Variants in MYO7B observed in about 807,000 individuals in gnomAD.
MYO7B encodes unconventional myosin-VIIb.
In MYO7B, 212 loss-of-function variants were observed where a neutral mutation model predicts 259.7. The ratio of observed to expected loss-of-function variants is 0.82; its 90% CI spans 0.73 to 0.91. The LOEUF is 0.91. Among genes scored for constraint, MYO7B ranks in the 40% least tolerant of loss-of-function variants. The probability of loss-of-function intolerance (pLI) is 0.00; values close to 1 mark genes in which losing one functional copy is unlikely to be tolerated. For missense variants in MYO7B, 2,732 were observed against 2,813.5 expected (o/e 0.97, Z 0.66); for synonymous variants, 1,197 against 1,166.4 (o/e 1.03, Z -0.54).
chr2:127,560,874 GGCCCCTGGT>G (rs1301472470), intron 2 of MYO7B, among the ~76,000 whole-genome samples: 1 of 152,198 alleles, frequency 6.6e-6, no homozygotes, highest in African/African-American at 2.4e-5. Flanking sequence ...ACTACGCAGC[GGCCCCTGGT>G]GCTGCCACTA....
At chr2:127,608,920 C>T (rs765894997) in intron 22 of MYO7B, 42 bp downstream of exon 22, 2 of 1,582,642 alleles carry the variant, frequency 1.3e-6, no homozygotes, top group South Asian at 2.3e-5. Context: ...CGGGTGGGGA[C>T]AGGGAAGCCT....
chr2:127,619,038 G>GGTGGGCGCTGGTTGGATT lies in MYO7B; in HGVS notation c.3399-1296_3399-1279dup, dbSNP rs1303121347. ...GTTGGGTTGTGGGGGCTGGCTGAAT[G>GGTGGGCGCTGGTTGGATT]GTGGGCGCTGGTTGGATTGTGGGGG... On this transcript the variant is annotated intron_variant, in intron 26 of 47. Coordinates refer to ENST00000409816, the MANE Select transcript of MYO7B (RefSeq NM_001393586.1). 2.5e-3 allele frequency among the ~76,000 whole-genome samples: 338 copies of GGTGGGCGCTGGTTGGATT among 137,856 alleles called. 6 individuals carry two copies. The highest frequency in any genetic ancestry group is 8.2e-3 in the African/African-American group (306 of 37,372). The allele number at this position is 137,856 out of a possible 152,430, so 90.4% of individuals were successfully genotyped here.
chr2:127,601,979 T>G (rs1679977581), intron 19 of MYO7B, among the ~76,000 whole-genome samples: 1 of 152,254 alleles, frequency 6.6e-6, no homozygotes, highest in East Asian at 1.9e-4. Flanking sequence ...TATTTAGGCC[T>G]TTTACATTTA....
At position 127,585,048 on chromosome 2, in the gene MYO7B, A is replaced by G. The variant is rs1156550654; in HGVS notation, c.1690+135A>G. On this transcript the variant is annotated intron_variant, in intron 14 of 47. Coordinates refer to ENST00000409816, the MANE Select transcript of MYO7B (RefSeq NM_001393586.1). This position sits in a 1 kb window ranked among gnomAD's most constrained non-coding sequence, Gnocchi z 4.3. ...CAGAGGGATGAGTAGTATGGCTTCT[A>G]CTGGAGAAAGAAAATGGAGTGGACC... 8 of 1,178,792 alleles carry G rather than the reference A, an allele frequency of 6.8e-6. No individual in the cohort carries two copies. In the East Asian group the frequency reaches 1.4e-4, roughly 21 times the overall value. 73.0% of individuals were successfully genotyped at this position (1,178,792 alleles called of 1,614,324 possible).
rs1681280243 is a variant in MYO7B, at chr2:127,628,545, T to G, written c.4624+10T>G. 2.3e-5 allele frequency: 7 copies of G among 299,500 alleles called. No homozygotes were observed. Among genetic ancestry groups the G allele is most frequent in the Admixed American group, 8.6e-5 (1 of 11,644 alleles). The allele number at this position is 299,500 out of a possible 1,614,324, so 18.6% of individuals were successfully genotyped here. ...GACAGGAAGGCCACAGGTGCCAGAC[T>G]GGGTGGGGTGGGGTGGGGTGGGGTG... On this transcript the variant is annotated intron_variant, in intron 34 of 47. Transcript: ENST00000409816. This position sits in a 1 kb window ranked among gnomAD's most constrained non-coding sequence, Gnocchi z 4.8.
In MYO7B at chr2:127,586,411, A is replaced by T. The variant is rs533221989; in HGVS notation, c.1690+1498A>T. Among the ~76,000 whole-genome samples the T allele has an allele frequency of 6.6e-6, 1 of 152,176 alleles. No homozygotes were observed. The highest frequency in any genetic ancestry group is 1.5e-5 in the Non-Finnish European group (1 of 68,034). Reference sequence around the variant, plus strand: ...GAGGAATGAGGAGGTGTTCTGGTCTATTTAACTGGAGACAGGAATCCAGGG... The same window carrying T: ...GAGGAATGAGGAGGTGTTCTGGTCTTTTTAACTGGAGACAGGAATCCAGGG... On this transcript the variant is annotated intron_variant, in intron 14 of 47. Transcript: ENST00000409816. This position sits in a 1 kb window ranked among gnomAD's most constrained non-coding sequence, Gnocchi z 4.8.
At chr2:127,560,936 G>T (rs1413030280) in intron 2 of MYO7B, among the ~76,000 whole-genome samples, 2 of 152,134 alleles carry the variant, frequency 1.3e-5, no homozygotes, top group Admixed American at 6.6e-5. Context: ...GCCAAGATTG[G>T]CTTCTTGTTT....
intron 1 of MYO7B, among the ~76,000 whole-genome samples, chr2:127,554,128 G>A (rs974321891): frequency 7.9e-5 from 12 of 152,098 alleles, no homozygotes; most frequent in African/African-American, 2.7e-4. Context: ...AGGCTGGAGT[G>A]CAATGGTGCA....
Position 127,630,061 on chromosome 2 carries a change from G to C in MYO7B, c.4806+235G>C, listed in dbSNP as rs191747826. The stretch of plus-strand genomic sequence containing the variant: ...GGGTGTTCCCTCCCTCTTCCATCAT[G>C]GGGGTGTCCGGGGGACAAACCCAAT... On this transcript the variant is annotated intron_variant, in intron 35 of 47. Coordinates refer to ENST00000409816, the MANE Select transcript of MYO7B (RefSeq NM_001393586.1). Among the ~76,000 whole-genome samples the C allele has an allele frequency of 2.6e-5, 4 of 152,298 alleles. No individual in the cohort carries two copies. The East Asian group carries it at 7.7e-4, about 29-fold the overall frequency.
intron 16 of MYO7B, among the ~76,000 whole-genome samples, chr2:127,591,165 G>A (rs144928919): frequency 1.0e-3 from 154 of 152,280 alleles, no homozygotes; most frequent in African/African-American, 3.6e-3. Flanking sequence ...CTTCAGCCTG[G>A]GTGACAGAGC....
At position 127,637,532 on chromosome 2, in the gene MYO7B, C is replaced by A; in HGVS notation, c.*115C>A. The A allele has an allele frequency of 1.3e-6, 1 of 794,542 alleles. No individual in the cohort carries two copies. The highest frequency in any genetic ancestry group is 1.9e-6 in the Non-Finnish European group (1 of 520,680). 49.2% of individuals were successfully genotyped at this position (794,542 alleles called of 1,614,324 possible). On this transcript the variant is annotated 3_prime_UTR_variant, in exon 48 of 48. Coordinates refer to ENST00000409816, the MANE Select transcript of MYO7B (RefSeq NM_001393586.1). ...TTGGCGGGCAGCCTTCCATGCTGCC[C>A]CCCATACAAAGCCCACTCAGCCCCG...
intron 7 of MYO7B, among the ~76,000 whole-genome samples, chr2:127,575,315 A>G (rs998895497): frequency 1.3e-5 from 2 of 152,072 alleles, no homozygotes; most frequent in Non-Finnish European, 2.9e-5. Flanking sequence ...CCCTGTCTGG[A>G]AGCTCCTATT....
At chr2:127,595,865 G>A (rs1573670053) in intron 18 of MYO7B, among the ~76,000 whole-genome samples, 3 of 152,320 alleles carry the variant, frequency 2.0e-5, no homozygotes, top group Admixed American at 2.0e-4. Context: ...TGCATTTGCT[G>A]AGGGTGTTTT....
Position 127,584,821 on chromosome 2 carries a change from CCAA to C in MYO7B, c.1605_1607del (p.Asn535del). 6.2e-7 allele frequency: 1 copy of C among 1,613,948 alleles called. No homozygotes were observed. The highest frequency in any genetic ancestry group is 1.1e-5 in the South Asian group (1 of 91,068). On this transcript the variant is annotated inframe_deletion, in exon 14 of 48. Coordinates refer to ENST00000409816, the MANE Select transcript of MYO7B (RefSeq NM_001393586.1). This position sits in a 1 kb window ranked among gnomAD's most constrained non-coding sequence, Gnocchi z 5.8. ...CTGCAAAAGCTGAACAGCGTCCATG[CCAA>C]CAACAAGGCCTTCCTACAGCCCAAG... is the stretch of plus-strand genomic sequence containing the variant.
At chr2:127,536,328 G>A (rs1179596173) in intron 1 of MYO7B, among the ~76,000 whole-genome samples, 1 of 152,196 alleles carries the variant, frequency 6.6e-6, no homozygotes, top group East Asian at 1.9e-4. Flanking sequence ...AAGCGAAGGT[G>A]CCCACGGGAA....
rs771899190 is a variant in MYO7B, at chr2:127,584,126, G to C, written c.1348G>C (p.Glu450Gln). 2.5e-6 allele frequency: 4 copies of C among 1,612,264 alleles called. No homozygotes were observed. The highest frequency in any genetic ancestry group is 1.7e-5 in the Admixed American group (1 of 59,786). ...GCAGTGACCTTGCCTCCACAGCTTC[G>C]AGCAGCTCTGCATCAACTTCGCCAA... ...GFENFENNSFEQLCINFANEH... is the reference protein window; with the variant it reads ...GFENFENNSFQQLCINFANEH... The change falls in exon 13 of 48, where the codon GAG (glutamate) becomes CAG (glutamine). Residue 450 changes from glutamate to glutamine, a missense_variant. By Grantham distance (29) the Glu-to-Gln change is conservative (BLOSUM62 2). Around this residue, in one of 3 missense-constraint regions of MYO7B, gnomAD observed 1,906 missense variants for 2,026.4 expected, o/e 0.94. Transcript: ENST00000409816. The surrounding 1 kb of genome is among the most constrained non-coding windows in gnomAD (Gnocchi z 5.8).
chr2:127,573,858 C>T, intron 6 of MYO7B, 62 bp from the exon 7 acceptor site: 3 of 1,598,752 alleles, frequency 1.9e-6, no homozygotes, highest in Non-Finnish European at 2.6e-6. Context: ...CTTACATGAT[C>T]CCACTCAAAT....
At chr2:127,592,267 C>T (rs1463299945) in intron 16 of MYO7B, among the ~76,000 whole-genome samples, 2 of 152,150 alleles carry the variant, frequency 1.3e-5, no homozygotes, top group African/African-American at 2.4e-5. Context: ...TGGTGCTACA[C>T]GCCTGTAATC....
chr2:127,564,150 C>T lies in MYO7B; in HGVS notation c.19-3C>T, dbSNP rs1444311621. ...ACACCACTGTCTTCTGTCTGCCCTC[C>T]AGGGTGACCACGTGTGGCTGGAGCC... On this transcript the variant is annotated splice_polypyrimidine_tract_variant and splice_region_variant and intron_variant, in intron 2 of 47. Transcript: ENST00000409816. 6.4e-7 allele frequency: 1 copy of T among 1,554,022 alleles called. No individual in the cohort carries two copies. The highest frequency in any genetic ancestry group is 8.7e-7 in the Non-Finnish European group (1 of 1,146,852).
Sources: allele counts gnomAD v4.1 joint callset (sites outside exome capture counted in the v4.1 genomes callset), GRCh38; gene constraint gnomAD v4.1.1; regional missense constraint gnomAD v4.1.1; non-coding constraint Gnocchi (gnomAD v3.1); transcripts MANE v1.5; gene names NCBI Gene and HGNC (gene_info 2026-07-23, HGNC 2026-07-21).